The following FANCC variants were observed in gnomAD, a reference collection of about 807,000 sequenced individuals.
FANCC encodes FA complementation group C.
FANCC carries 55 observed loss-of-function variants against 71.3 expected under a neutral mutation model. The ratio of observed to expected loss-of-function variants is 0.77; its 90% CI spans 0.62 to 0.97. The LOEUF (loss-of-function observed/expected upper bound fraction) is 0.97. Ranked by LOEUF, FANCC falls within the 50% of genes least tolerant of loss-of-function variation. FANCC has a pLI of 0.00. For synonymous variants in FANCC, 275 were observed against 244.9 expected, an observed-to-expected ratio of 1.12 and a Z score of -1.15; for missense variants, 678 against 670.9, an observed-to-expected ratio of 1.01 and a Z score of -0.12.
intron 1 of FANCC, among the ~76,000 whole-genome samples, chr9:95,306,119 C>T (rs1393228389): frequency 6.6e-6 from 1 of 152,130 alleles, no homozygotes; most frequent in African/African-American, 2.4e-5. Flanking sequence ...CAAGTTTAGT[C>T]AGAATAAAGT....
At chr9:95,117,008 G>C (rs907513508) in intron 11 of FANCC, among the ~76,000 whole-genome samples, 4 of 152,190 alleles carry the variant, frequency 2.6e-5, no homozygotes, top group African/African-American at 9.7e-5. Flanking sequence ...CCTGTTCCTG[G>C]CATCTGGTGG....
intron 1 of FANCC, among the ~76,000 whole-genome samples, chr9:95,282,158 A>G (rs1334908136): frequency 6.6e-6 from 1 of 152,096 alleles, no homozygotes; most frequent in Non-Finnish European, 1.5e-5. Context: ...TATACTGCCT[A>G]CAAAAGACTT....
intron 1 of FANCC, among the ~76,000 whole-genome samples, chr9:95,275,237 T>C (rs570636417): frequency 9.0e-4 from 137 of 152,010 alleles, no homozygotes; most frequent in Non-Finnish European, 1.5e-3. Flanking sequence ...TGAGCTATGA[T>C]TGTGCCACCA....
chr9:95,158,547 T>A (rs1027407066), intron 6 of FANCC, among the ~76,000 whole-genome samples: 2 of 152,112 alleles, frequency 1.3e-5, no homozygotes, highest in African/African-American at 4.8e-5. Flanking sequence ...TTATGAGAAT[T>A]TACTATTATC....
At chr9:95,264,848 T>C (rs1169774372) in intron 1 of FANCC, among the ~76,000 whole-genome samples, 2 of 152,190 alleles carry the variant, frequency 1.3e-5, no homozygotes, top group Non-Finnish European at 2.9e-5. Flanking sequence ...TTATGTTCAA[T>C]TCCACTTAAG....
At chr9:95,307,340 C>CA (rs4647361) in intron 1 of FANCC, among the ~76,000 whole-genome samples, 3,177 of 150,330 alleles carry the variant, frequency 0.021, 122 homozygotes, top group African/African-American at 0.073. Context: ...AAGTAGTTAA[C>CA]AAAAAAAAAC....
chr9:95,298,093 C>A (rs1341191553), intron 1 of FANCC, among the ~76,000 whole-genome samples: 3 of 152,130 alleles, frequency 2.0e-5, no homozygotes, highest in Admixed American at 6.5e-5. Context: ...CAAGATCATA[C>A]TGTAAGATGG....
At chr9:95,187,694 C>T (rs1175183191) in intron 4 of FANCC, among the ~76,000 whole-genome samples, 1 of 151,942 alleles carries the variant, frequency 6.6e-6, no homozygotes, top group African/African-American at 2.4e-5. Context: ...AGCTCAAATG[C>T]TGTGTGTCTT....
intron 7 of FANCC, among the ~76,000 whole-genome samples, chr9:95,136,235 AT>A (rs1045646639): frequency 7.3e-5 from 11 of 150,932 alleles, no homozygotes; most frequent in East Asian, 5.8e-4. Context: ...ACAAAAAAAA[AT>A]TTTTTTTTTA....
chr9:95,112,913 A>G (rs1456220131), intron 12 of FANCC, among the ~76,000 whole-genome samples: 1 of 152,192 alleles, frequency 6.6e-6, no homozygotes, highest in Non-Finnish European at 1.5e-5. Context: ...GTCTTCACGC[A>G]TTTGACATCA....
intron 6 of FANCC, among the ~76,000 whole-genome samples, chr9:95,164,954 A>G (rs534392538): frequency 1.3e-5 from 2 of 152,184 alleles, no homozygotes; most frequent in East Asian, 3.9e-4. Flanking sequence ...AACCAATTCA[A>G]TCTCTTTACT....
intron 8 of FANCC, among the ~76,000 whole-genome samples, chr9:95,131,696 G>A (rs561912380): frequency 2.6e-5 from 4 of 152,216 alleles, no homozygotes; most frequent in South Asian, 4.1e-4. Context: ...AGGAAGTGCC[G>A]AAAAGACTGA....
intron 6 of FANCC, among the ~76,000 whole-genome samples, chr9:95,169,291 A>C (rs1465364676): frequency 6.6e-6 from 1 of 152,204 alleles, no homozygotes. Context: ...ATCATATATG[A>C]TAAGTGCTTA....
chr9:95,195,432 G>C (rs1237257517), intron 4 of FANCC, among the ~76,000 whole-genome samples: 2 of 152,100 alleles, frequency 1.3e-5, no homozygotes, highest in Non-Finnish European at 2.9e-5. Context: ...ACTTATTTGT[G>C]TGGGTCTATT....
intron 1 of FANCC, among the ~76,000 whole-genome samples, chr9:95,283,442 A>G (rs2136276833): frequency 6.6e-6 from 1 of 152,366 alleles, no homozygotes; most frequent in Middle Eastern, 3.4e-3. Flanking sequence ...GATGGCGCAC[A>G]GGACCAATAA....
At chr9:95,303,186 G>T (rs988516098) in intron 1 of FANCC, among the ~76,000 whole-genome samples, 8 of 152,208 alleles carry the variant, frequency 5.3e-5, no homozygotes, top group African/African-American at 1.9e-4. Context: ...TATGGCTAAT[G>T]AATCTGAGGA....
At chr9:95,195,819 C>G (rs1427245215) in intron 4 of FANCC, among the ~76,000 whole-genome samples, 2 of 152,108 alleles carry the variant, frequency 1.3e-5, no homozygotes, top group Non-Finnish European at 2.9e-5. Flanking sequence ...TTAAACAGAT[C>G]CCATTTTGTT....
intron 1 of FANCC, among the ~76,000 whole-genome samples, chr9:95,291,607 C>T (rs1834000566): frequency 6.6e-6 from 1 of 151,758 alleles, no homozygotes; most frequent in African/African-American, 2.4e-5. Context: ...GGAAGATACC[C>T]CATGTTCACA....
intron 10 of FANCC, among the ~76,000 whole-genome samples, chr9:95,119,743 A>T (rs529682254): frequency 1.4e-5 from 2 of 141,990 alleles, no homozygotes; most frequent in East Asian, 4.4e-4. Context: ...ATATGGTTTC[A>T]CTCTGTTGCC....
Sources: allele counts gnomAD v4.1 joint callset (sites outside exome capture counted in the v4.1 genomes callset), GRCh38; gene constraint gnomAD v4.1.1; transcripts MANE v1.5; gene names NCBI Gene and HGNC (gene_info 2026-07-23, HGNC 2026-07-21).